SEC16B: variants seen among roughly 807,000 people sequenced by gnomAD.
SEC16B encodes the protein SEC16 homolog B, endoplasmic reticulum export factor, also known as protein transport protein Sec16B.
Under a neutral mutation model 141.8 loss-of-function variants are expected in SEC16B, and 115 were observed. The ratio of observed to expected loss-of-function variants is 0.81; its 90% CI spans 0.70 to 0.95. The LOEUF (loss-of-function observed/expected upper bound fraction) is 0.95, where lower values mean the gene tolerates loss of function less well. SEC16B is among the 40% of genes least tolerant of loss of function. SEC16B has a pLI of 0.00. For missense variants in SEC16B, 1,291 were observed against 1,312.3 expected (o/e 0.98, Z 0.25); for synonymous variants, 493 against 492.5 (o/e 1.00, Z -0.01).
In SEC16B at chr1:177,979,035, A is replaced by G. The variant is rs150682902; in HGVS notation, c.-59+5171T>C. On this transcript the variant is annotated intron_variant and NMD_transcript_variant, in intron 1 of 24. Transcript: ENST00000528461. ...GGCAATAAAAGTGATACTTTTACCAAATTCACAGAGTGTGTCAGTACCAGT... is the reference window on the plus strand; with the variant it reads ...GGCAATAAAAGTGATACTTTTACCAGATTCACAGAGTGTGTCAGTACCAGT... Among the ~76,000 whole-genome samples the G allele has an allele frequency of 2.3e-3, 355 of 152,290 alleles. 1 individual carries two copies. In the Middle Eastern group the frequency reaches 0.024, roughly 10 times the overall value.
Position 177,933,510 on chromosome 1 carries a change from G to A in SEC16B, c.2698C>T (p.Leu900Phe). Residue 900 changes from leucine (L) to phenylalanine (F), a missense_variant, in exon 21 of 26, where the codon CTC (leucine) becomes TTC (phenylalanine). By Grantham distance (22) the Leu-to-Phe change is conservative. Coordinates refer to ENST00000308284, the MANE Select transcript of SEC16B (RefSeq NM_033127.4). The part of the protein sequence containing the change: ...SPRNTAQRGK[L>F]GDGKEHTKSS... ...TTTGTATGCTCCTTCCCATCTCCGA[G>A]CTTGCCTCTCTGGGCAGTATTTCGG... 1.2e-6 allele frequency: 2 copies of A among 1,613,692 alleles called. No individual in the cohort carries two copies. The highest frequency in any genetic ancestry group is 2.2e-5 in the East Asian group (1 of 44,882).
At chr1:177,961,503 C>T in intron 6 of SEC16B, 87 bp downstream of exon 6, 2 of 1,394,378 alleles carry the variant, frequency 1.4e-6, no homozygotes, top group Non-Finnish European at 1.9e-6. Flanking sequence ...GACAATGATC[C>T]ATCGTAAGGC....
At chr1:177,957,504 T>C (rs1234098258) in intron 10 of SEC16B, among the ~76,000 whole-genome samples, 1 of 152,138 alleles carries the variant, frequency 6.6e-6, no homozygotes, top group Non-Finnish European at 1.5e-5. Context: ...ACAGGTATTA[T>C]CTTTTTTATT....
At chr1:177,977,621 G>A (rs1571362847) in intron 1 of SEC16B, among the ~76,000 whole-genome samples, 1 of 152,168 alleles carries the variant, frequency 6.6e-6, no homozygotes, top group Admixed American at 6.5e-5. Context: ...ATGGGACTCG[G>A]ACTCTCATTG....
At chr1:177,946,719 GC>G (rs1651745749) in intron 13 of SEC16B, among the ~76,000 whole-genome samples, 188 bp from the exon 14 acceptor site, 1 of 152,184 alleles carries the variant, frequency 6.6e-6, no homozygotes, top group South Asian at 2.1e-4. Flanking sequence ...TCCTCCCACA[GC>G]CCATTTGGCC....
intron 15 of SEC16B, among the ~76,000 whole-genome samples, chr1:177,943,168 T>C (rs1468689887): frequency 1.3e-5 from 2 of 151,502 alleles, no homozygotes; most frequent in Admixed American, 6.6e-5. Context: ...AACTGACAGG[T>C]GGGATGAATA....
rs529590250 is a variant in SEC16B, at chr1:177,965,244, TGTGAG to T, written c.413-82_413-78del. On this transcript the variant is annotated intron_variant, in intron 3 of 25. Transcript: ENST00000308284. ...AGTTCTTAGAAAGATATTAGTGAGC[TGTGAG>T]GAGCTCCTGGAGCACAGTAGATCTA... 537 of 1,538,124 alleles carry T rather than the reference TGTGAG, an allele frequency of 3.5e-4. 9 individuals carry two copies. The South Asian group carries it at 5.6e-3, about 16-fold the overall frequency.
intron 7 of SEC16B, 90 bp from the exon 8 acceptor site, chr1:177,960,493 G>A (rs73045026): frequency 0.028 from 26,477 of 936,446 alleles, 752 homozygotes; most frequent in African/African-American, 0.089. Flanking sequence ...CAAGGCCGTG[G>A]GGCTAGGATA....
rs779096821 is a variant in SEC16B, at chr1:177,936,349, A to G, written c.2520T>C (p.Ser840=). The G allele has an allele frequency of 1.2e-6, 2 of 1,610,216 alleles. No homozygotes were observed. The highest frequency in any genetic ancestry group is 3.4e-5 in the Admixed American group (2 of 59,582). ...THLGPGENTV[S]QETSQPPDGQ... ...CATCAGGAGGCTGGGAAGTTTCTTG[A>G]GACACTGTGTTCTCTCCTGCATCAC... Residue 840 remains serine, a synonymous_variant, in exon 20 of 26, where the codon TCT becomes TCC. Coordinates refer to ENST00000308284, the MANE Select transcript of SEC16B (RefSeq NM_033127.4).
intron 24 of SEC16B, among the ~76,000 whole-genome samples, chr1:177,930,942 G>A (rs1650368764): frequency 6.6e-6 from 1 of 152,138 alleles, no homozygotes; most frequent in African/African-American, 2.4e-5. Flanking sequence ...AATAATAGAT[G>A]TTGGCAAAAG....
chr1:177,964,039 G>T, intron 5 of SEC16B, 132 bp downstream of exon 5: 1 of 618,820 alleles, frequency 1.6e-6, no homozygotes, highest in South Asian at 2.1e-5. Context: ...GTTCTGCCAA[G>T]AGGGGAGGAA....
chr1:177,963,526 C>G (rs1043128770), intron 5 of SEC16B, among the ~76,000 whole-genome samples: 5 of 152,130 alleles, frequency 3.3e-5, no homozygotes, highest in African/African-American at 1.2e-4. Context: ...TCGCTTGAAC[C>G]CAGGAGGTGA....
chr1:177,944,254 T>G (rs922004343), intron 15 of SEC16B, among the ~76,000 whole-genome samples: 4 of 151,768 alleles, frequency 2.6e-5, no homozygotes, highest in African/African-American at 9.7e-5. Flanking sequence ...TCTGGAGAGA[T>G]GGGGAGAAGG....
intron 13 of SEC16B, among the ~76,000 whole-genome samples, chr1:177,946,948 T>C (rs957486753): frequency 6.6e-6 from 1 of 152,168 alleles, no homozygotes; most frequent in African/African-American, 2.4e-5. Context: ...AAGTCAAACA[T>C]AAAAATCATA....
chr1:177,982,251 G>A (rs1654448936), intron 1 of SEC16B, among the ~76,000 whole-genome samples: 1 of 152,218 alleles, frequency 6.6e-6, no homozygotes, highest in African/African-American at 2.4e-5. Flanking sequence ...TGGGTAGTCG[G>A]TTGGTGTATT....
chr1:177,932,669 A>C, intron 23 of SEC16B, 29 bp downstream of exon 23: 2 of 1,539,816 alleles, frequency 1.3e-6, no homozygotes, highest in Non-Finnish European at 8.7e-7. Flanking sequence ...GGGACCACCC[A>C]TGGCCCAGAG....
chr1:177,944,471 A>G, intron 15 of SEC16B, 90 bp downstream of exon 15: 1 of 932,506 alleles, frequency 1.1e-6, no homozygotes, highest in Admixed American at 2.1e-5. Flanking sequence ...ACTTAGCCCC[A>G]GGTACTAAGT....
At chr1:177,983,264 C>T (rs1654496000) in intron 1 of SEC16B, among the ~76,000 whole-genome samples, 1 of 152,124 alleles carries the variant, frequency 6.6e-6, no homozygotes, top group Non-Finnish European at 1.5e-5. Flanking sequence ...GGGATCAATG[C>T]CAGGATCCGA....
intron 2 of SEC16B, among the ~76,000 whole-genome samples, chr1:177,966,948 G>A (rs1191557018): frequency 6.6e-6 from 1 of 152,154 alleles, no homozygotes; most frequent in Non-Finnish European, 1.5e-5. Context: ...CCCTGAATCT[G>A]TAAGCAGGTA....
Sources: allele counts gnomAD v4.1 joint callset (sites outside exome capture counted in the v4.1 genomes callset), GRCh38; gene constraint gnomAD v4.1.1; transcripts MANE v1.5; gene names NCBI Gene and HGNC (gene_info 2026-07-23, HGNC 2026-07-21).